The following TTC22 variants were observed in gnomAD, a reference collection of about 807,000 sequenced individuals.
TTC22 encodes the protein tetratricopeptide repeat domain 22, also known as tetratricopeptide repeat protein 22.
In TTC22, 42 loss-of-function variants were observed where a neutral mutation model predicts 48.2. That is an observed-to-expected ratio of 0.87 (90% CI 0.68 to 1.13). The LOEUF (loss-of-function observed/expected upper bound fraction) is 1.13. Among genes scored for constraint, TTC22 ranks in the 50% most tolerant of loss-of-function variants. The probability of loss-of-function intolerance (pLI) is 0.00; values close to 1 mark genes in which losing one functional copy is unlikely to be tolerated. For synonymous variants in TTC22, 345 were observed against 365.5 expected (o/e 0.94, Z 0.64); for missense variants, 784 against 807.0 (o/e 0.97, Z 0.34).
intron 5 of TTC22, chr1:54,785,607 T>A (rs968190519): frequency 2.3e-6 from 1 of 442,002 alleles, no homozygotes; most frequent in Admixed American, 2.5e-5. Context: ...AGCCCAGGAG[T>A]TTGAGACGAG....
chr1:54,793,357 CT>C (rs1193687441), intron 1 of TTC22, among the ~76,000 whole-genome samples: 1 of 152,184 alleles, frequency 6.6e-6, no homozygotes, highest in Non-Finnish European at 1.5e-5. Context: ...TTCTGAGGCC[CT>C]TGCTATTACT....
chr1:54,783,533 C>T (rs1646278327), intron 5 of TTC22, among the ~76,000 whole-genome samples: 1 of 152,192 alleles, frequency 6.6e-6, no homozygotes. Flanking sequence ...GACACTGTTC[C>T]AGGCACTGAG....
chr1:54,792,242 G>A (rs1476960373), intron 1 of TTC22, among the ~76,000 whole-genome samples: 1 of 152,172 alleles, frequency 6.6e-6, no homozygotes, highest in Non-Finnish European at 1.5e-5. Context: ...ATCAGATCCC[G>A]CTTGAGAGCA....
chr1:54,785,874 C>A, intron 5 of TTC22, 109 bp downstream of exon 5: 1 of 1,056,682 alleles, frequency 9.5e-7, no homozygotes, highest in African/African-American at 1.6e-5. Context: ...AGCTCCCTTC[C>A]ACCATGAGGA....
intron 1 of TTC22, among the ~76,000 whole-genome samples, chr1:54,799,783 G>C (rs996602113): frequency 6.6e-6 from 1 of 152,218 alleles, no homozygotes; most frequent in African/African-American, 2.4e-5. Context: ...CTGTGACCCT[G>C]CTCATCCCTG....
At position 54,782,319 on chromosome 1, in the gene TTC22, C is replaced by T. The variant is rs1029633854; in HGVS notation, c.1173+6G>A. The T allele has an allele frequency of 3.3e-6, 5 of 1,531,918 alleles. No homozygotes were observed. In the African/African-American group the frequency reaches 5.5e-5, roughly 17 times the overall value. The allele number at this position is 1,531,918 out of a possible 1,614,324, so 94.9% of individuals were successfully genotyped here. On this transcript the variant is annotated splice_donor_region_variant and intron_variant, in intron 6 of 6. Transcript: ENST00000371276. ...AGCTATTGGCTAAGCCAAGAGACTG[C>T]CTTACCTGGCCGATGTCCAGGTACG...
In TTC22 at chr1:54,787,021, G is replaced by A; in HGVS notation, c.794C>T (p.Thr265Ile). Residue 265 changes from threonine to isoleucine, a missense_variant, in exon 4 of 7, where the codon ACC (threonine) becomes ATC (isoleucine). Coordinates refer to ENST00000371276, the MANE Select transcript of TTC22 (RefSeq NM_001114108.2). ...GCAGTCATGGACGCCCATGGGGGTG[G>A]TGGAGAAGGTGTCCTTCCGCTCCAG... Reference protein sequence around the residue: ...MLLERKDTFSTTPMGVHDCGY... With the variant: ...MLLERKDTFSITPMGVHDCGY... The A allele has an allele frequency of 6.4e-7, 1 of 1,560,540 alleles. No individual in the cohort carries two copies. Among genetic ancestry groups the A allele is most frequent in the Non-Finnish European group, 8.7e-7 (1 of 1,153,648 alleles).
Position 54,799,386 on chromosome 1 carries a change from ACG to A in TTC22, c.567+1209_567+1210del, listed in dbSNP as rs538802813. 2.8e-3 allele frequency among the ~76,000 whole-genome samples: 419 copies of A among 152,298 alleles called. 1 individual carries two copies. Among genetic ancestry groups the A allele is most frequent in the African/African-American group, 9.7e-3 (405 of 41,560 alleles). On this transcript the variant is annotated intron_variant, in intron 1 of 6. Transcript: ENST00000371276. ...CCTCCAGGAAGGCTTCCCCCAGTGA[ACG>A]GCCTCCTAAGAGCAGGAAAGTGCCT... is the stretch of plus-strand genomic sequence containing the variant.
At chr1:54,793,893 C>G (rs1646370962) in intron 1 of TTC22, among the ~76,000 whole-genome samples, 1 of 152,194 alleles carries the variant, frequency 6.6e-6, no homozygotes, top group African/African-American at 2.4e-5. Context: ...GGGCTGAGAA[C>G]TCTGCGAGTT....
chr1:54,788,434 G>C (rs1053427490), intron 1 of TTC22, among the ~76,000 whole-genome samples: 3 of 151,450 alleles, frequency 2.0e-5, no homozygotes, highest in African/African-American at 7.3e-5. Flanking sequence ...ACGCCCACCG[G>C]CCTCCCGTTT....
intron 5 of TTC22, chr1:54,785,718 C>T (rs1232331028): frequency 4.9e-5 from 22 of 450,990 alleles, no homozygotes; most frequent in African/African-American, 2.0e-4. Flanking sequence ...GAGGCTGAGG[C>T]GGGAGGATTG....
At chr1:54,782,190 C>T (rs1365413548) in intron 6 of TTC22, 135 bp downstream of exon 6, 4 of 860,112 alleles carry the variant, frequency 4.7e-6, no homozygotes, top group Non-Finnish European at 6.9e-6. Flanking sequence ...GTCCTCACCA[C>T]GGCTGGAGGA....
chr1:54,796,880 A>G (rs1163116475), intron 1 of TTC22, among the ~76,000 whole-genome samples: 2 of 152,110 alleles, frequency 1.3e-5, no homozygotes, highest in Non-Finnish European at 2.9e-5. Flanking sequence ...GAGAGAGAAA[A>G]GCCCAAGACA....
At chr1:54,788,595 A>C (rs1646325187) in intron 1 of TTC22, among the ~76,000 whole-genome samples, 1 of 152,146 alleles carries the variant, frequency 6.6e-6, no homozygotes, top group African/African-American at 2.4e-5. Flanking sequence ...ACCAGATAAA[A>C]TATTTATGCT....
rs150986502 is a variant in TTC22 at position 54,792,223 on chromosome 1, T to C, written c.568-4126A>G. Among the ~76,000 whole-genome samples, 47 of 152,354 alleles carry C rather than the reference T, an allele frequency of 3.1e-4. No homozygotes were observed. In the East Asian group the frequency reaches 8.1e-3, roughly 26 times the overall value. ...TCATCTGTGTGACAAATCCCTAAAG[T>C]AGTCCCTCATCAGATCCCGCTTGAG... On this transcript the variant is annotated intron_variant, in intron 1 of 6. Coordinates refer to ENST00000371276, the MANE Select transcript of TTC22 (RefSeq NM_001114108.2).
At chr1:54,788,433 G>A (rs1237532021) in intron 1 of TTC22, among the ~76,000 whole-genome samples, 1 of 120,996 alleles carries the variant, frequency 8.3e-6, no homozygotes, top group Non-Finnish European at 1.7e-5. Context: ...CACGCCCACC[G>A]GCCTCCCGTT....
Position 54,781,315 on chromosome 1 carries a change from C to T in TTC22, c.1638G>A (p.Leu546=). The change falls in exon 7 of 7, where the codon CTG becomes CTA. Residue 546 remains leucine, a synonymous_variant. Transcript: ENST00000371276. ...CCTCGCGCTCCATGGTCTCGAAGAG[C>T]AGCCGCACCAGCGCCGGCCGTCCCT... The part of the protein sequence containing the change: ...VAQGRPALVR[L]LFETMEREGE... 6.9e-7 allele frequency: 1 copy of T among 1,450,482 alleles called. No individual in the cohort carries two copies. The highest frequency in any genetic ancestry group is 9.0e-7 in the Non-Finnish European group (1 of 1,111,384). 89.9% of individuals were successfully genotyped at this position (1,450,482 alleles called of 1,614,324 possible). A position where few individuals can be genotyped will look rare whatever the true frequency, so the allele number is the denominator to read the frequency against.
At chr1:54,789,399 G>A (rs1646332711) in intron 1 of TTC22, among the ~76,000 whole-genome samples, 1 of 152,258 alleles carries the variant, frequency 6.6e-6, no homozygotes, top group Non-Finnish European at 1.5e-5. Context: ...ATGGGCAGCT[G>A]ATGGGTGTGC....
rs113502128 is a variant in TTC22 at position 54,781,912 on chromosome 1, T to C, written c.1174-133A>G. The C allele has an allele frequency of 1.8e-4, 151 of 860,616 alleles. No individual in the cohort carries two copies. In the African/African-American group the frequency reaches 2.5e-3, roughly 14 times the overall value. 53.3% of individuals were successfully genotyped at this position (860,616 alleles called of 1,614,324 possible). On this transcript the variant is annotated intron_variant, in intron 6 of 6. Coordinates refer to ENST00000371276, the MANE Select transcript of TTC22 (RefSeq NM_001114108.2). ...CCCTCTCTCCATCGACAATTATTAA[T>C]CACACGTTTTATTCCTGCTCCTCTA...
Sources: gnomAD v4.1 joint callset for allele counts (sites outside exome capture counted in the v4.1 genomes callset) on GRCh38, gnomAD v4.1.1 for gene constraint, MANE v1.5 for transcripts, NCBI Gene and HGNC (gene_info 2026-07-23, HGNC 2026-07-21) for gene names.